The following ADGRL3 variants were observed in gnomAD, a reference collection of about 807,000 sequenced individuals.
ADGRL3 encodes the protein adhesion G protein-coupled receptor L3.
A neutral mutation model predicts 153.5 loss-of-function variants in ADGRL3; 62 were observed. The ratio of observed to expected loss-of-function variants is 0.40; its 90% CI spans 0.33 to 0.50. The LOEUF is 0.50. ADGRL3 is among the 20% of genes least tolerant of loss of function. The pLI is 0.47. For synonymous variants in ADGRL3, 710 were observed against 672.5 expected, an observed-to-expected ratio of 1.06 and a Z score of -0.86; for missense variants, 1,641 against 1,859.4, an observed-to-expected ratio of 0.88 and a Z score of 2.16.
intron 1 of ADGRL3, among the ~76,000 whole-genome samples, chr4:61,325,946 G>T (rs777623020): frequency 2.0e-5 from 3 of 152,052 alleles, no homozygotes; most frequent in Admixed American, 2.0e-4. Flanking sequence ...TCCAGATAGC[G>T]TATTAAGAAA....
At chr4:61,723,606 T>C (rs2096276948) in intron 6 of ADGRL3, among the ~76,000 whole-genome samples, 1 of 152,046 alleles carries the variant, frequency 6.6e-6, no homozygotes, top group African/African-American at 2.4e-5. Flanking sequence ...CCTCCCACCT[T>C]AGCCATTTAA....
chr4:61,791,957 C>T (rs2097348086), intron 8 of ADGRL3, among the ~76,000 whole-genome samples: 1 of 152,150 alleles, frequency 6.6e-6, no homozygotes, highest in African/African-American at 2.4e-5. Context: ...CTTTTTCATC[C>T]TAGGACTCCA....
intron 5 of ADGRL3, among the ~76,000 whole-genome samples, chr4:61,635,197 G>A (rs1474025632): frequency 6.6e-6 from 1 of 152,110 alleles, no homozygotes; most frequent in Non-Finnish European, 1.5e-5. Context: ...CACAAGACTG[G>A]ACCTTAAGCT....
At chr4:61,412,915 T>C (rs753422688) in intron 2 of ADGRL3, among the ~76,000 whole-genome samples, 3 of 152,210 alleles carry the variant, frequency 2.0e-5, no homozygotes, top group Non-Finnish European at 4.4e-5. Context: ...ATCCTGGTAT[T>C]GGATTCTATT....
At chr4:61,866,190 G>A (rs1365471055) in intron 9 of ADGRL3, among the ~76,000 whole-genome samples, 1 of 152,164 alleles carries the variant, frequency 6.6e-6, no homozygotes, top group Non-Finnish European at 1.5e-5. Flanking sequence ...AGCTCCCTAT[G>A]CATCTTAGTC....
At chr4:61,998,575 T>G (rs2099129689) in intron 21 of ADGRL3, among the ~76,000 whole-genome samples, 1 of 151,890 alleles carries the variant, frequency 6.6e-6, no homozygotes, top group Non-Finnish European at 1.5e-5. Context: ...ATTCTTTTTT[T>G]TTTTTTTATT....
chr4:61,604,548 C>A (rs773527619), intron 5 of ADGRL3, among the ~76,000 whole-genome samples: 1 of 152,066 alleles, frequency 6.6e-6, no homozygotes, highest in Non-Finnish European at 1.5e-5. Context: ...AATATTGAAA[C>A]TCAAATGATC....
intron 4 of ADGRL3, among the ~76,000 whole-genome samples, chr4:61,578,570 G>C (rs1385251514): frequency 6.6e-6 from 1 of 151,772 alleles, no homozygotes; most frequent in Non-Finnish European, 1.5e-5. Context: ...ACTAATTTGA[G>C]CTATATTCTG....
intron 4 of ADGRL3, among the ~76,000 whole-genome samples, chr4:61,520,115 C>T (rs1026709019): frequency 4.6e-5 from 7 of 152,062 alleles, no homozygotes; most frequent in Admixed American, 1.3e-4. Context: ...TGGATTCATA[C>T]AAATTAGGAC....
At chr4:61,923,878 C>T (rs547605350) in intron 13 of ADGRL3, among the ~76,000 whole-genome samples, 3 of 152,104 alleles carry the variant, frequency 2.0e-5, no homozygotes, top group African/African-American at 4.8e-5. Flanking sequence ...TCTTCAGGAC[C>T]TTTTAAATTG....
intron 1 of ADGRL3, among the ~76,000 whole-genome samples, chr4:61,369,256 C>A (rs1392612714): frequency 6.6e-6 from 1 of 152,180 alleles, no homozygotes; most frequent in Non-Finnish European, 1.5e-5. Context: ...GCCAGAACTT[C>A]CAACACTATG....
At chr4:61,422,548 A>AT (rs1024692438) in intron 2 of ADGRL3, among the ~76,000 whole-genome samples, 4 of 152,212 alleles carry the variant, frequency 2.6e-5, no homozygotes, top group Admixed American at 6.5e-5. Flanking sequence ...TGTTTCTAAG[A>AT]TTTTTTCTGT....
chr4:62,022,486 CA>C (rs1207974201), intron 21 of ADGRL3, among the ~76,000 whole-genome samples: 1 of 152,108 alleles, frequency 6.6e-6, no homozygotes, highest in East Asian at 1.9e-4. Context: ...TCCATGTAGA[CA>C]AAACAGCCTT....
At chr4:62,006,529 T>C (rs527870497) in intron 21 of ADGRL3, among the ~76,000 whole-genome samples, 2 of 151,918 alleles carry the variant, frequency 1.3e-5, no homozygotes, top group East Asian at 1.9e-4. Context: ...GAGTTGGAAG[T>C]TGGAGTAGTG....
chr4:61,733,666 T>A, intron 8 of ADGRL3, 112 bp downstream of exon 8: 1 of 781,936 alleles, frequency 1.3e-6, no homozygotes, highest in Non-Finnish European at 2.0e-6. Flanking sequence ...CCTGTGTACC[T>A]GAAAATTGTT....
At chr4:61,423,614 C>A (rs2097238029) in intron 2 of ADGRL3, among the ~76,000 whole-genome samples, 2 of 152,112 alleles carry the variant, frequency 1.3e-5, no homozygotes, top group Admixed American at 1.3e-4. Context: ...AGGTGGAGGC[C>A]AACGGATTAG....
At chr4:61,365,349 G>A (rs1441978605) in intron 1 of ADGRL3, among the ~76,000 whole-genome samples, 1 of 152,202 alleles carries the variant, frequency 6.6e-6, no homozygotes, top group Non-Finnish European at 1.5e-5. Context: ...AGACTGCTAA[G>A]GGGACCAATA....
intron 1 of ADGRL3, among the ~76,000 whole-genome samples, chr4:61,288,352 A>C (rs1325634505): frequency 6.9e-6 from 1 of 144,506 alleles, no homozygotes. Flanking sequence ...GGTCCCTGTG[A>C]TGGTTTGGCC....
At chr4:61,531,824 G>C (rs1312856579) in intron 4 of ADGRL3, among the ~76,000 whole-genome samples, 2 of 151,982 alleles carry the variant, frequency 1.3e-5, no homozygotes, top group African/African-American at 2.4e-5. Context: ...AGTAATTATT[G>C]AGAAAAGCAG....
Sources: gnomAD v4.1 joint callset for allele counts (sites outside exome capture counted in the v4.1 genomes callset) on GRCh38, gnomAD v4.1.1 for gene constraint, MANE v1.5 for transcripts, NCBI Gene and HGNC (gene_info 2026-07-23, HGNC 2026-07-21) for gene names.